FAM135B: variants seen among roughly 807,000 people sequenced by gnomAD.
FAM135B encodes the protein family with sequence similarity 135 member B.
In FAM135B, 43 loss-of-function variants were observed where a neutral mutation model predicts 127.7. The ratio of observed to expected loss-of-function variants is 0.34; its 90% CI spans 0.26 to 0.43. FAM135B has a LOEUF of 0.43. Among genes scored for constraint, FAM135B ranks in the 20% least tolerant of loss-of-function variants. The pLI is 1.00. For synonymous variants in FAM135B, 670 were observed against 665.1 expected, an observed-to-expected ratio of 1.01 and a Z score of -0.11; for missense variants, 1,558 against 1,725.6, an observed-to-expected ratio of 0.90 and a Z score of 1.72.
chr8:138,375,281 C>G (rs1831397103), intron 1 of FAM135B, among the ~76,000 whole-genome samples: 1 of 152,106 alleles, frequency 6.6e-6, no homozygotes, highest in South Asian at 2.1e-4. Context: ...AATTCCTTTT[C>G]TTTTAGAGCT....
At chr8:138,337,379 CT>C (rs1488514211) in intron 2 of FAM135B, among the ~76,000 whole-genome samples, 1 of 152,090 alleles carries the variant, frequency 6.6e-6, no homozygotes, top group Admixed American at 6.6e-5. Flanking sequence ...AGCCCAAAAT[CT>C]CCTTAAGCTG....
chr8:138,135,790 G>C (rs1236998577), intron 19 of FAM135B, among the ~76,000 whole-genome samples: 1 of 152,104 alleles, frequency 6.6e-6, no homozygotes, highest in African/African-American at 2.4e-5. Flanking sequence ...TGCAGTAATT[G>C]AGAAGTTGTT....
chr8:138,334,277 T>C (rs886140826), intron 2 of FAM135B, among the ~76,000 whole-genome samples: 2 of 152,218 alleles, frequency 1.3e-5, no homozygotes, highest in Admixed American at 6.5e-5. Flanking sequence ...TTGCTTGCTC[T>C]GGCAATACTT....
chr8:138,354,572 T>G (rs776419689), intron 2 of FAM135B, among the ~76,000 whole-genome samples: 2 of 152,158 alleles, frequency 1.3e-5, no homozygotes, highest in African/African-American at 2.4e-5. Flanking sequence ...TGACATCACT[T>G]TCTTGACTTC....
chr8:138,193,182 C>G (rs1184757367), intron 9 of FAM135B, among the ~76,000 whole-genome samples: 1 of 152,340 alleles, frequency 6.6e-6, no homozygotes, highest in African/African-American at 2.4e-5. Flanking sequence ...CATGTGAGCA[C>G]CGATTCCTCC....
intron 1 of FAM135B, among the ~76,000 whole-genome samples, chr8:138,480,511 T>C (rs1814729884): frequency 6.6e-6 from 1 of 152,176 alleles, no homozygotes; most frequent in African/African-American, 2.4e-5. Context: ...AATATTCAAG[T>C]TGTCCACACT....
chr8:138,263,730 C>T (rs1822710867), intron 4 of FAM135B, among the ~76,000 whole-genome samples: 2 of 152,050 alleles, frequency 1.3e-5, no homozygotes, highest in South Asian at 2.1e-4. Context: ...ATGGTGGATG[C>T]TCATCCCTGT....
intron 12 of FAM135B, among the ~76,000 whole-genome samples, chr8:138,155,758 T>G (rs138202698): frequency 0.049 from 7,400 of 152,172 alleles, 326 homozygotes; most frequent in East Asian, 0.23. Context: ...GTCCTAAATA[T>G]ATATGCACCC....
At chr8:138,416,653 C>T (rs1483078691) in intron 1 of FAM135B, among the ~76,000 whole-genome samples, 1 of 152,032 alleles carries the variant, frequency 6.6e-6, no homozygotes, top group Admixed American at 6.5e-5. Flanking sequence ...TGAAACCAAA[C>T]AAACATAATT....
intron 1 of FAM135B, among the ~76,000 whole-genome samples, chr8:138,388,361 CTTACTA>C (rs1832344502): frequency 6.6e-6 from 1 of 152,204 alleles, no homozygotes; most frequent in Admixed American, 6.5e-5. Context: ...GAAATATACT[CTTACTA>C]TAAGATCCAG....
chr8:138,426,000 T>TATAC (rs1563992355), intron 1 of FAM135B, among the ~76,000 whole-genome samples: 7 of 14,512 alleles, frequency 4.8e-4, no homozygotes, highest in African/African-American at 4.3e-3. Context: ...TATATATATA[T>TATAC]ATATATATAT....
chr8:138,288,226 G>A (rs908208038), intron 3 of FAM135B, among the ~76,000 whole-genome samples: 10 of 152,292 alleles, frequency 6.6e-5, no homozygotes, highest in Admixed American at 6.5e-4. Context: ...AGCACAACAA[G>A]AGAAGATGGT....
chr8:138,194,801 C>G (rs1395168946), intron 9 of FAM135B, among the ~76,000 whole-genome samples: 2 of 152,162 alleles, frequency 1.3e-5, no homozygotes, highest in South Asian at 4.1e-4. Flanking sequence ...ATTTATTCAG[C>G]CTTTACTCTT....
intron 3 of FAM135B, among the ~76,000 whole-genome samples, chr8:138,302,735 G>A (rs530037239): frequency 3.9e-5 from 6 of 152,292 alleles, no homozygotes; most frequent in African/African-American, 7.2e-5. Context: ...CATCGCTCAC[G>A]TTGTAATTGC....
intron 1 of FAM135B, among the ~76,000 whole-genome samples, chr8:138,463,938 T>C (rs185927253): frequency 3.3e-4 from 50 of 152,324 alleles, no homozygotes; most frequent in Middle Eastern, 3.4e-3. Context: ...AAATAGCAAG[T>C]ATGCTGCATT....
At chr8:138,251,864 G>A (rs928681164) in intron 5 of FAM135B, among the ~76,000 whole-genome samples, 1 of 152,214 alleles carries the variant, frequency 6.6e-6, no homozygotes, top group Non-Finnish European at 1.5e-5. Context: ...CCTGGGAGGA[G>A]CATCTTTCAT....
chr8:138,344,634 GGC>G (rs1239062371), intron 2 of FAM135B, among the ~76,000 whole-genome samples: 1 of 144,722 alleles, frequency 6.9e-6, no homozygotes, highest in Non-Finnish European at 1.5e-5. Flanking sequence ...GGAGTGCAGT[GGC>G]GCGATCTCAG....
intron 3 of FAM135B, among the ~76,000 whole-genome samples, chr8:138,274,460 G>A (rs1823650323): frequency 6.6e-6 from 1 of 152,192 alleles, no homozygotes; most frequent in Admixed American, 6.5e-5. Context: ...GGCAGGGCGA[G>A]ATCACAGGAC....
Position 138,242,883 on chromosome 8 carries a change from A to AT in FAM135B, c.669+58dup. 6.4e-7 allele frequency: 1 copy of AT among 1,574,442 alleles called. No homozygotes were observed. The highest frequency in any genetic ancestry group is 8.6e-7 in the Non-Finnish European group (1 of 1,162,304). Reference sequence around the variant, plus strand: ...CAAAGAAGCATGAATCTCATAGAACATACACTCTGCAAAGTAAAGTTTGAA... The same window carrying AT: ...CAAAGAAGCATGAATCTCATAGAACATTACACTCTGCAAAGTAAAGTTTGAA... On this transcript the variant is annotated intron_variant, in intron 7 of 19. Transcript: ENST00000395297. This position sits in a 1 kb window ranked among gnomAD's most constrained non-coding sequence, Gnocchi z 9.6.
Sources: allele counts gnomAD v4.1 joint callset (sites outside exome capture counted in the v4.1 genomes callset), GRCh38; gene constraint gnomAD v4.1.1; non-coding constraint Gnocchi (gnomAD v3.1); transcripts MANE v1.5; gene names NCBI Gene and HGNC (gene_info 2026-07-23, HGNC 2026-07-21).